The following KIZ variants were observed in gnomAD, a reference collection of about 807,000 sequenced individuals.
The protein encoded by KIZ is centrosomal protein kizuna.
KIZ carries 68 observed loss-of-function variants against 79.6 expected under a neutral mutation model. The observed-to-expected ratio is 0.85, with a 90% confidence interval of 0.70 to 1.05. The LOEUF is 1.05. Among genes scored for constraint, KIZ ranks in the 50% least tolerant of loss-of-function variants. The probability of loss-of-function intolerance (pLI) is 0.00; values close to 1 mark genes in which losing one functional copy is unlikely to be tolerated. For synonymous variants in KIZ, 280 were observed against 281.8 expected (o/e 0.99, Z 0.06); for missense variants, 797 against 800.4 (o/e 1.00, Z 0.05).
chr20:21,129,030 G>T (rs1381128632), intron 1 of KIZ, among the ~76,000 whole-genome samples: 1 of 152,052 alleles, frequency 6.6e-6, no homozygotes, highest in African/African-American at 2.4e-5. Context: ...CCAGGGATGG[G>T]TATTTCAAAG....
intron 2 of KIZ, among the ~76,000 whole-genome samples, chr20:21,135,041 C>T (rs2032104991): frequency 6.6e-6 from 1 of 152,152 alleles, no homozygotes; most frequent in Admixed American, 6.6e-5. Flanking sequence ...GTCAGGTTGC[C>T]CGGTGTGTAG....
At chr20:21,241,029 TAC>T (rs1299646003) in intron 11 of KIZ, among the ~76,000 whole-genome samples, 3 of 152,344 alleles carry the variant, frequency 2.0e-5, no homozygotes, top group African/African-American at 7.2e-5. Context: ...CAGCAAACAT[TAC>T]ACAGTTAGAT....
chr20:21,134,706 G>A (rs2032071586), intron 2 of KIZ, among the ~76,000 whole-genome samples: 1 of 134,650 alleles, frequency 7.4e-6, no homozygotes, highest in South Asian at 2.3e-4. Context: ...TTGCTCTGTT[G>A]CCTAGGCTGG....
At chr20:21,178,497 A>G (rs2034525539) in intron 6 of KIZ, among the ~76,000 whole-genome samples, 1 of 150,594 alleles carries the variant, frequency 6.6e-6, no homozygotes, top group Non-Finnish European at 1.5e-5. Flanking sequence ...TGTGATCTTT[A>G]GAGTTTTCTA....
At chr20:21,204,810 T>A (rs571018174) in intron 6 of KIZ, among the ~76,000 whole-genome samples, 93 of 152,304 alleles carry the variant, frequency 6.1e-4, no homozygotes, top group African/African-American at 2.0e-3. Context: ...TCTTAATTTT[T>A]AAAAAACTGT....
At chr20:21,187,180 G>A (rs939468292) in intron 6 of KIZ, among the ~76,000 whole-genome samples, 7 of 151,984 alleles carry the variant, frequency 4.6e-5, no homozygotes, top group Admixed American at 1.3e-4. Context: ...TTCAGATAAA[G>A]GATACTCAAC....
At chr20:21,234,320 A>G (rs1459084188) in intron 11 of KIZ, among the ~76,000 whole-genome samples, 1 of 151,932 alleles carries the variant, frequency 6.6e-6, no homozygotes, top group East Asian at 1.9e-4. Context: ...CTAATAAATT[A>G]CAAGTAATCT....
chr20:21,220,418 G>A (rs1285263829), intron 9 of KIZ, among the ~76,000 whole-genome samples: 3 of 151,862 alleles, frequency 2.0e-5, no homozygotes, highest in Non-Finnish European at 2.9e-5. Context: ...CAGACTTTAG[G>A]ATTTGGGCTC....
At chr20:21,132,828 T>G (rs1005901025) in intron 2 of KIZ, 1 of 152,242 alleles carries the variant, frequency 6.6e-6, no homozygotes, top group Non-Finnish European at 1.5e-5. Flanking sequence ...TAAGACATAA[T>G]TACTGTAGTT....
At chr20:21,160,117 CT>C (rs1411828456) in intron 4 of KIZ, among the ~76,000 whole-genome samples, 1 of 152,216 alleles carries the variant, frequency 6.6e-6, no homozygotes, top group African/African-American at 2.4e-5. Context: ...TCAGTCACCC[CT>C]GACACAGTTG....
chr20:21,144,564 A>T (rs761731837), intron 3 of KIZ, among the ~76,000 whole-genome samples: 1 of 152,154 alleles, frequency 6.6e-6, no homozygotes, highest in Non-Finnish European at 1.5e-5. Context: ...AATTACTGCC[A>T]TCTATCATAT....
chr20:21,189,500 T>A (rs1191467974), intron 6 of KIZ, among the ~76,000 whole-genome samples: 1 of 152,154 alleles, frequency 6.6e-6, no homozygotes, highest in Non-Finnish European at 1.5e-5. Context: ...AAATACCTAT[T>A]AAAAATTCTC....
chr20:21,185,556 G>A (rs1487749546), intron 6 of KIZ, among the ~76,000 whole-genome samples: 2 of 145,112 alleles, frequency 1.4e-5, no homozygotes, highest in Non-Finnish European at 3.0e-5. Flanking sequence ...ATTACAGGCA[G>A]CCACCACCAC....
At chr20:21,195,433 C>G (rs889750071) in intron 6 of KIZ, 1 of 152,306 alleles carries the variant, frequency 6.6e-6, no homozygotes, top group African/African-American at 2.4e-5. Context: ...TAAAATACAC[C>G]TTACCATGGA....
chr20:21,204,336 C>T (rs998835243), intron 6 of KIZ, among the ~76,000 whole-genome samples: 9 of 151,522 alleles, frequency 5.9e-5, no homozygotes, highest in African/African-American at 2.2e-4. Flanking sequence ...GGGATGGTCT[C>T]GATCTCCTGA....
chr20:21,165,664 G>A (rs575193104), intron 6 of KIZ, among the ~76,000 whole-genome samples: 18 of 152,332 alleles, frequency 1.2e-4, no homozygotes, highest in African/African-American at 4.3e-4. Context: ...TGCCTTGAGA[G>A]TGGGCAGGAC....
chr20:21,164,998 G>A (rs7345904), intron 6 of KIZ, among the ~76,000 whole-genome samples: 1 of 152,032 alleles, frequency 6.6e-6, no homozygotes, highest in South Asian at 2.1e-4. Context: ...CTGCATTTGA[G>A]GCCCCACATT....
intron 12 of KIZ, chr20:21,246,005 CA>C (rs1291580612): frequency 6.4e-6 from 1 of 155,844 alleles, no homozygotes; most frequent in African/African-American, 2.4e-5. Context: ...GATCACCTCT[CA>C]AGTAAATGAT....
chr20:21,126,150 C>T lies in KIZ; in HGVS notation c.35C>T (p.Ser12Leu), dbSNP rs770989376. 2.0e-6 allele frequency: 3 copies of T among 1,513,078 alleles called. No homozygotes were observed. The highest frequency in any genetic ancestry group is 2.9e-5 in the African/African-American group (2 of 69,392). 93.7% of individuals were successfully genotyped at this position (1,513,078 alleles called of 1,614,324 possible). Residue 12 changes from serine (S) to leucine (L), a missense_variant, in exon 1 of 13, where the codon TCG becomes TTG. By Grantham distance (145) the Ser-to-Leu change is moderately radical. Transcript: ENST00000619189. The stretch of plus-strand genomic sequence containing the variant: ...ACCCTCGCATCGGCCGTGCCCCTGT[C>T]GAGTCCCGACTACTACGAGAGGCTG... The part of the protein sequence containing the change: ...SRTLASAVPL[S>L]SPDYYERLGQ...
Sources: allele counts gnomAD v4.1 joint callset (sites outside exome capture counted in the v4.1 genomes callset), GRCh38; gene constraint gnomAD v4.1.1; transcripts MANE v1.5; gene names NCBI Gene and HGNC (gene_info 2026-07-23, HGNC 2026-07-21).